Variants in ADAMTS8 observed in about 807,000 individuals in gnomAD.
The protein encoded by ADAMTS8 is A disintegrin and metalloproteinase with thrombospondin motifs 8.
ADAMTS8 carries 50 observed loss-of-function variants against 64.4 expected under a neutral mutation model. The ratio of observed to expected loss-of-function variants is 0.78; its 90% confidence interval spans 0.62 to 0.98. ADAMTS8 has a LOEUF of 0.98. ADAMTS8 is among the 50% of genes least tolerant of loss of function. The pLI is 0.00. For missense variants in ADAMTS8, 1,192 were observed against 1,208.2 expected (o/e 0.99, Z 0.20); for synonymous variants, 556 against 533.6 (o/e 1.04, Z -0.58).
At position 130,428,002 on chromosome 11, in the gene ADAMTS8, C is replaced by G. The variant is rs771544922; in HGVS notation, c.285G>C (p.Arg95=). 6.6e-7 allele frequency: 1 copy of G among 1,526,654 alleles called. No individual in the cohort carries two copies. The highest frequency in any genetic ancestry group is 1.2e-5 in the South Asian group (1 of 83,500). 94.6% of individuals were successfully genotyped at this position (1,526,654 alleles called of 1,614,324 possible). The change falls in exon 1 of 9, where the codon CGG becomes CGC. Residue 95 remains arginine (R), a synonymous_variant. Transcript: ENST00000257359. ...CGGAGAAGAAGCAGCCGCGCAGCCC[C>G]CGCTCGCCCCCGGTCGCCCGGCCGG... ...GGSGRATGGE[R]GLRGCFFSGT... is the part of the protein sequence containing the mutation.
intron 2 of ADAMTS8, among the ~76,000 whole-genome samples, chr11:130,417,347 A>T (rs1005728367): frequency 5.3e-5 from 8 of 151,654 alleles, no homozygotes; most frequent in African/African-American, 1.9e-4. Context: ...TCCTCTGCTT[A>T]TGGGGTTGAG....
At chr11:130,415,603 C>CTTTTTTTTTTTTT (rs386375276) in intron 4 of ADAMTS8, among the ~76,000 whole-genome samples, 2 of 104,802 alleles carry the variant, frequency 1.9e-5, no homozygotes, top group Non-Finnish European at 3.6e-5. Flanking sequence ...GCACCTGGCC[C>CTTTTTTTTTTTTT]TTTTTTTTTT....
At chr11:130,420,848 A>G (rs1490612875) in intron 1 of ADAMTS8, among the ~76,000 whole-genome samples, 1 of 152,094 alleles carries the variant, frequency 6.6e-6, no homozygotes, top group Non-Finnish European at 1.5e-5. Flanking sequence ...AAAAGCAATC[A>G]CATCATTATG....
chr11:130,408,907 T>C lies in ADAMTS8; in HGVS notation c.1784A>G (p.Tyr595Cys). Reference sequence around the variant, plus strand: ...CATGTCAGTGTAATTGTAGGCATTATACTTCTCACACTGCTGCTCCCTGAA... The same window carrying C: ...CATGTCAGTGTAATTGTAGGCATTACACTTCTCACACTGCTGCTCCCTGAA... ...KSFREQQCEK[Y>C]NAYNYTDMDG... Residue 595 changes from tyrosine to cysteine, a missense_variant, in exon 7 of 9, where the codon TAT (tyrosine) becomes TGT (cysteine). Tyr to Cys is a radical substitution (Grantham distance 194). Coordinates refer to ENST00000257359, the MANE Select transcript of ADAMTS8 (RefSeq NM_007037.6). 1 of 1,589,596 alleles carries C rather than the reference T, an allele frequency of 6.3e-7. No homozygotes were observed.
chr11:130,409,868 C>T (rs554783996), intron 6 of ADAMTS8, among the ~76,000 whole-genome samples: 1 of 152,366 alleles, frequency 6.6e-6, no homozygotes, highest in East Asian at 1.9e-4. Flanking sequence ...AAGGCAGATG[C>T]CATACTCCAC....
chr11:130,410,254 G>T (rs1438916679), intron 6 of ADAMTS8, among the ~76,000 whole-genome samples: 2 of 152,138 alleles, frequency 1.3e-5, no homozygotes, highest in Non-Finnish European at 2.9e-5. Context: ...AGGGATTTGG[G>T]TCTCTAATTG....
intron 6 of ADAMTS8, among the ~76,000 whole-genome samples, chr11:130,410,379 G>A (rs1861937932): frequency 6.6e-6 from 1 of 152,168 alleles, no homozygotes; most frequent in Non-Finnish European, 1.5e-5. Context: ...AGACTTTGGT[G>A]CATCTGACAT....
Position 130,414,850 on chromosome 11 carries a change from AG to A in ADAMTS8, c.1265-19del. 5 of 1,590,938 alleles carry A rather than the reference AG, an allele frequency of 3.1e-6. No homozygotes were observed. Among genetic ancestry groups the A allele is most frequent in the Non-Finnish European group, 4.3e-6 (5 of 1,167,784 alleles). On this transcript the variant is annotated intron_variant, in intron 4 of 8. Coordinates refer to ENST00000257359, the MANE Select transcript of ADAMTS8 (RefSeq NM_007037.6). ...ACAGTCTCCTGGGAAAAGAGGAAGC[AG>A]GGGTGTAAGAACATGCACAGGGCTG...
Position 130,405,536 on chromosome 11 carries a change from G to C in ADAMTS8, c.*22C>G, listed in dbSNP as rs2134669742. On this transcript the variant is annotated 3_prime_UTR_variant, in exon 9 of 9. Transcript: ENST00000257359. ...CAGTACCGCATGTCCAGGAGCACAAGACTGGCCCCTGCCCCCCTGAATCAC... is the reference window on the plus strand; with the variant it reads ...CAGTACCGCATGTCCAGGAGCACAACACTGGCCCCTGCCCCCCTGAATCAC... 6.4e-7 allele frequency: 1 copy of C among 1,573,876 alleles called. No individual in the cohort carries two copies. Among genetic ancestry groups the C allele is most frequent in the East Asian group, 2.3e-5 (1 of 44,436 alleles).
rs568255098 is a variant in ADAMTS8, at chr11:130,415,238, C to CTAGA, written c.1265-410_1265-407dup. Among the ~76,000 whole-genome samples, 419 of 152,316 alleles carry CTAGA rather than the reference C, an allele frequency of 2.8e-3. 1 individual carries two copies. Among genetic ancestry groups the CTAGA allele is most frequent in the African/African-American group, 9.4e-3 (390 of 41,576 alleles). ...CCCTGTCTCCCTCAGTGAGAAGGAT[C>CTAGA]TAGAATATTACTTTACCAACAATTC... On this transcript the variant is annotated intron_variant, in intron 4 of 8. Transcript: ENST00000257359.
intron 1 of ADAMTS8, among the ~76,000 whole-genome samples, chr11:130,426,510 CT>C (rs1312673341): frequency 6.6e-6 from 1 of 152,206 alleles, no homozygotes; most frequent in Non-Finnish European, 1.5e-5. Flanking sequence ...CAGGTCAGTT[CT>C]TCCTTCCCTG....
chr11:130,427,458 T>G, intron 1 of ADAMTS8, 109 bp downstream of exon 1: 2 of 1,021,334 alleles, frequency 2.0e-6, no homozygotes, highest in East Asian at 3.1e-5. Context: ...GGGCTTTTTT[T>G]TTTTTTTTTT....
At chr11:130,422,789 A>T (rs1000233449) in intron 1 of ADAMTS8, among the ~76,000 whole-genome samples, 1 of 152,194 alleles carries the variant, frequency 6.6e-6, no homozygotes, top group Non-Finnish European at 1.5e-5. Context: ...TTCCTCTGCC[A>T]TGTGGAACAG....
In ADAMTS8 at chr11:130,428,447, C is replaced by A. The variant is rs1003416977; in HGVS notation, c.-161G>T. The stretch of plus-strand genomic sequence containing the variant: ...CGCGGGGCCCGGCGGCGGGAGCGCT[C>A]CCCCGGCGGCCCCTCTGGCTGGCGC... On this transcript the variant is annotated 5_prime_UTR_variant, in exon 1 of 9. Transcript: ENST00000257359. 9.6e-7 allele frequency: 1 copy of A among 1,037,712 alleles called. No individual in the cohort carries two copies. Among genetic ancestry groups the A allele is most frequent in the East Asian group, 9.1e-5 (1 of 11,032 alleles). 64.3% of individuals were successfully genotyped at this position (1,037,712 alleles called of 1,614,324 possible).
chr11:130,428,251 C>A lies in ADAMTS8; in HGVS notation c.36G>T (p.Pro12=). The A allele has an allele frequency of 1.7e-6, 2 of 1,206,144 alleles. No individual in the cohort carries two copies. Among genetic ancestry groups the A allele is most frequent in the Non-Finnish European group, 1.0e-6 (1 of 974,842 alleles). The allele number at this position is 1,206,144 out of a possible 1,614,324, so 74.7% of individuals were successfully genotyped here. The change falls in exon 1 of 9, where the codon CCG becomes CCT. Residue 12 remains proline (P), a synonymous_variant. Coordinates refer to ENST00000257359, the MANE Select transcript of ADAMTS8 (RefSeq NM_007037.6). The part of the protein sequence containing the change: ...LPAPAAPRWP[P]LLLLLLLLLP... ...GCAGCAGCAGCAGCAGCAGCAGGAGCGGAGGCCACCGGGGGGCGGCGGGGG... is the reference window on the plus strand; with the variant it reads ...GCAGCAGCAGCAGCAGCAGCAGGAGAGGAGGCCACCGGGGGGCGGCGGGGG...
chr11:130,406,128 A>T lies in ADAMTS8; in HGVS notation c.2100T>A (p.Asn700Lys). ...RKVSGSLTPT[N>K]YGYNDIVTIP... The stretch of plus-strand genomic sequence containing the variant: ...TGGTGACAATGTCATTGTAGCCATA[A>T]CTGTGATAGAAACAGAAGGACACCC... The change falls in exon 9 of 9, where the codon AAT becomes AAA. Residue 700 changes from asparagine (N) to lysine (K), a missense_variant and splice_region_variant. Coordinates refer to ENST00000257359, the MANE Select transcript of ADAMTS8 (RefSeq NM_007037.6). 6.2e-7 allele frequency: 1 copy of T among 1,603,762 alleles called. No individual in the cohort carries two copies. Among genetic ancestry groups the T allele is most frequent in the Non-Finnish European group, 8.5e-7 (1 of 1,177,312 alleles).
At chr11:130,408,049 A>G (rs1861905522) in intron 8 of ADAMTS8, among the ~76,000 whole-genome samples, 1 of 152,166 alleles carries the variant, frequency 6.6e-6, no homozygotes, top group Non-Finnish European at 1.5e-5. Flanking sequence ...CATCTGCAGA[A>G]AGGACAGGGG....
At chr11:130,413,897 C>A (rs546312394) in intron 5 of ADAMTS8, among the ~76,000 whole-genome samples, 111 of 152,260 alleles carry the variant, frequency 7.3e-4, no homozygotes, top group African/African-American at 2.6e-3. Flanking sequence ...GTGTGCTCAC[C>A]TTCCTGTCTC....
At chr11:130,410,077 T>C (rs1861934054) in intron 6 of ADAMTS8, among the ~76,000 whole-genome samples, 2 of 152,192 alleles carry the variant, frequency 1.3e-5, no homozygotes, top group African/African-American at 4.8e-5. Context: ...CTCACACCTT[T>C]CCACCACCCT....
Sources: gnomAD v4.1 joint callset for allele counts (sites outside exome capture counted in the v4.1 genomes callset) on GRCh38, gnomAD v4.1.1 for gene constraint, MANE v1.5 for transcripts, NCBI Gene and HGNC (gene_info 2026-07-23, HGNC 2026-07-21) for gene names.